Variants in F2 observed in about 807,000 individuals in gnomAD.
F2 encodes prothrombin.
Under a neutral mutation model 81.9 loss-of-function variants are expected in F2, and 34 were observed. The ratio of observed to expected loss-of-function variants is 0.42; its 90% CI spans 0.32 to 0.55. F2 has a LOEUF of 0.55. Ranked by LOEUF, F2 falls within the 20% of genes least tolerant of loss-of-function variation. F2 has a pLI of 0.18. For missense variants in F2, 630 were observed against 833.4 expected (o/e 0.76, Z 3.00); for synonymous variants, 296 against 326.4 (o/e 0.91, Z 1.01).
chr11:46,737,838 G>A (rs1167132944), intron 12 of F2, among the ~76,000 whole-genome samples: 1 of 142,818 alleles, frequency 7.0e-6, no homozygotes, highest in Non-Finnish European at 1.5e-5. Flanking sequence ...TCTCTTGCTA[G>A]CTTTTTTTTT....
Position 46,723,037 on chromosome 11 carries a change from G to A in F2, c.317-143G>A, listed in dbSNP as rs893432710. 3 of 789,446 alleles carry A rather than the reference G, an allele frequency of 3.8e-6. No individual in the cohort carries two copies. Among genetic ancestry groups the A allele is most frequent in the Non-Finnish European group, 6.9e-6 (3 of 435,910 alleles). The allele number at this position is 789,446 out of a possible 1,614,324, so 48.9% of individuals were successfully genotyped here. Reference sequence around the variant, plus strand: ...TGTTGAGTGAATGGGAGAACTGCTGGTTGCAGAGGAAGAGGGGCTGGGTGA... The same window carrying A: ...TGTTGAGTGAATGGGAGAACTGCTGATTGCAGAGGAAGAGGGGCTGGGTGA... On this transcript the variant is annotated intron_variant, in intron 4 of 13. Transcript: ENST00000311907. The surrounding 1 kb of genome is among the most constrained non-coding windows in gnomAD (Gnocchi z 5.6).
At position 46,723,373 on chromosome 11, in the gene F2, C is replaced by T; in HGVS notation, c.423-9C>T. The T allele has an allele frequency of 6.2e-7, 1 of 1,613,528 alleles. No homozygotes were observed. Among genetic ancestry groups the T allele is most frequent in the Non-Finnish European group, 8.5e-7 (1 of 1,179,516 alleles). On this transcript the variant is annotated splice_polypyrimidine_tract_variant and intron_variant, in intron 5 of 13. Coordinates refer to ENST00000311907, the MANE Select transcript of F2 (RefSeq NM_000506.5). This position sits in a 1 kb window ranked among gnomAD's most constrained non-coding sequence, Gnocchi z 5.6. ...CAACAGCCTCCTGTTGGGCAATTTC[C>T]TGTTCCAGAATCAACTCCACTACCC... is the stretch of plus-strand genomic sequence containing the variant.
rs1454798621 is a variant in F2, at chr11:46,719,288, T to G, written c.53T>G (p.Leu18Arg). ...QLPGCLALAA[L>R]CSLVHSQHVF... Reference sequence around the variant, plus strand: ...CCTGGCTGCCTGGCCCTGGCTGCCCTGTGTAGCCTTGTGCACAGCCAGCAT... The same window carrying G: ...CCTGGCTGCCTGGCCCTGGCTGCCCGGTGTAGCCTTGTGCACAGCCAGCAT... The change falls in exon 1 of 14, where the codon CTG (leucine) becomes CGG (arginine). Residue 18 changes from leucine to arginine, a missense_variant. Coordinates refer to ENST00000311907, the MANE Select transcript of F2 (RefSeq NM_000506.5). The surrounding 1 kb of genome is among the most constrained non-coding windows in gnomAD (Gnocchi z 4.7). 6.2e-7 allele frequency: 1 copy of G among 1,613,322 alleles called. No individual in the cohort carries two copies. The highest frequency in any genetic ancestry group is 1.3e-5 in the African/African-American group (1 of 74,922).
chr11:46,737,684 T>C (rs1005278581), intron 12 of F2, among the ~76,000 whole-genome samples: 6 of 152,062 alleles, frequency 3.9e-5, no homozygotes, highest in African/African-American at 9.7e-5. Flanking sequence ...GTGATCCGCC[T>C]GCCTCAGCCT....
Position 46,719,725 on chromosome 11 carries a change from C to T in F2, c.103C>T (p.Arg35Trp), listed in dbSNP as rs144785536. ...AGTGTTCCTGGCTCCTCAGCAAGCA[C>T]GGTCGCTGCTCCAGCGGGTCCGGCG... is the stretch of plus-strand genomic sequence containing the variant. ...QHVFLAPQQA[R>W]SLLQRVRRAN... is the part of the protein sequence containing the mutation. The change falls in exon 2 of 14, where the codon CGG becomes TGG. Residue 35 changes from arginine (R) to tryptophan (W), a missense_variant. Transcript: ENST00000311907. This position sits in a 1 kb window ranked among gnomAD's most constrained non-coding sequence, Gnocchi z 4.7. 71 of 1,594,018 alleles carry T rather than the reference C, an allele frequency of 4.5e-5. No homozygotes were observed. Among genetic ancestry groups the T allele is most frequent in the Admixed American group, 1.1e-4 (6 of 57,064 alleles).
At position 46,723,090 on chromosome 11, in the gene F2, T is replaced by G; in HGVS notation, c.317-90T>G. ...GCAGGTTCAGGATTGTGGACCTGCA[T>G]GAGCTGGGAGGTGGGGGATAGACAA... On this transcript the variant is annotated intron_variant, in intron 4 of 13. Transcript: ENST00000311907. The surrounding 1 kb of genome is among the most constrained non-coding windows in gnomAD (Gnocchi z 5.6). 8 of 1,067,308 alleles carry G rather than the reference T, an allele frequency of 7.5e-6. No homozygotes were observed. Among genetic ancestry groups the G allele is most frequent in the South Asian group, 1.2e-5 (1 of 80,026 alleles). The allele number at this position is 1,067,308 out of a possible 1,614,324, so 66.1% of individuals were successfully genotyped here. A position where few individuals can be genotyped will look rare whatever the true frequency, so the allele number is the denominator to read the frequency against.
intron 12 of F2, among the ~76,000 whole-genome samples, chr11:46,732,753 G>A (rs2064921195): frequency 6.6e-6 from 1 of 152,142 alleles, no homozygotes; most frequent in Non-Finnish European, 1.5e-5. Flanking sequence ...CCCAAGTTTG[G>A]CCTGTGGAAG....
intron 6 of F2, 89 bp from the exon 7 acceptor site, chr11:46,725,770 A>G (rs2064867458): frequency 4.1e-6 from 6 of 1,456,948 alleles, no homozygotes; most frequent in Admixed American, 1.7e-5. Context: ...ACAGGCAGAA[A>G]GCAGCAAGAC....
At chr11:46,737,915 C>A (rs2064954236) in intron 12 of F2, among the ~76,000 whole-genome samples, 1 of 151,684 alleles carries the variant, frequency 6.6e-6, no homozygotes, top group Non-Finnish European at 1.5e-5. Flanking sequence ...CTCACTGCAG[C>A]CTTGAACTCC....
Position 46,719,286 on chromosome 11 carries a change from C to A in F2, c.51C>A (p.Ala17=), listed in dbSNP as rs1265248581. 4 of 1,613,492 alleles carry A rather than the reference C, an allele frequency of 2.5e-6. No homozygotes were observed. The South Asian group carries it at 4.4e-5, about 18-fold the overall frequency. ...TGCCTGGCTGCCTGGCCCTGGCTGC[C>A]CTGTGTAGCCTTGTGCACAGCCAGC... The part of the protein sequence containing the change: ...LQLPGCLALA[A]LCSLVHSQHV... Residue 17 remains alanine, a synonymous_variant, in exon 1 of 14, where the codon GCC becomes GCA. Coordinates refer to ENST00000311907, the MANE Select transcript of F2 (RefSeq NM_000506.5). The surrounding 1 kb of genome is among the most constrained non-coding windows in gnomAD (Gnocchi z 4.7).
chr11:46,729,602 A>G, intron 12 of F2, 41 bp downstream of exon 12: 1 of 1,596,282 alleles, frequency 6.3e-7, no homozygotes, highest in Non-Finnish European at 8.6e-7. Context: ...AGTGGGGCCC[A>G]AGCTGGGAGA....
Position 46,723,352 on chromosome 11 carries a change from A to G in F2, c.423-30A>G. ...GGAGCAAGCGTACCTCAAGCCCAAC[A>G]GCCTCCTGTTGGGCAATTTCCTGTT... is the stretch of plus-strand genomic sequence containing the variant. On this transcript the variant is annotated intron_variant, in intron 5 of 13. Transcript: ENST00000311907. The surrounding 1 kb of genome is among the most constrained non-coding windows in gnomAD (Gnocchi z 5.6). 6.2e-7 allele frequency: 1 copy of G among 1,613,538 alleles called. No individual in the cohort carries two copies. Among genetic ancestry groups the G allele is most frequent in the Admixed American group, 1.7e-5 (1 of 59,982 alleles).
Position 46,723,097 on chromosome 11 carries a change from G to A in F2, c.317-83G>A. ...CAGGATTGTGGACCTGCATGAGCTG[G>A]GAGGTGGGGGATAGACAACTTTGCA... On this transcript the variant is annotated intron_variant, in intron 4 of 13. Coordinates refer to ENST00000311907, the MANE Select transcript of F2 (RefSeq NM_000506.5). This position sits in a 1 kb window ranked among gnomAD's most constrained non-coding sequence, Gnocchi z 5.6. 8.8e-7 allele frequency: 1 copy of A among 1,134,676 alleles called. No individual in the cohort carries two copies. Among genetic ancestry groups the A allele is most frequent in the Non-Finnish European group, 1.3e-6 (1 of 742,922 alleles). The allele number at this position is 1,134,676 out of a possible 1,614,324, so 70.3% of individuals were successfully genotyped here. A position where few individuals can be genotyped will look rare whatever the true frequency, so the allele number is the denominator to read the frequency against.
chr11:46,726,232 C>T lies in F2; in HGVS notation c.874+59C>T, dbSNP rs1401901217. 3 of 1,596,774 alleles carry T rather than the reference C, an allele frequency of 1.9e-6. No individual in the cohort carries two copies. In the African/African-American group the frequency reaches 4.0e-5, roughly 21 times the overall value. The stretch of plus-strand genomic sequence containing the variant: ...GGACAAATCCTGGTGGGAATAACAA[C>T]AGCCGCTTCTGCTTATCGAACGCTT... On this transcript the variant is annotated intron_variant, in intron 7 of 13. Transcript: ENST00000311907. The surrounding 1 kb of genome is among the most constrained non-coding windows in gnomAD (Gnocchi z 5.9).
At chr11:46,737,533 C>T (rs1392443766) in intron 12 of F2, among the ~76,000 whole-genome samples, 2 of 147,528 alleles carry the variant, frequency 1.4e-5, no homozygotes, top group African/African-American at 2.5e-5. Context: ...CTCCACCTCC[C>T]GGGTTCACGC....
chr11:46,727,906 G>A (rs984915752), intron 9 of F2, 90 bp from the exon 10 acceptor site: 1 of 1,465,284 alleles, frequency 6.8e-7, no homozygotes, highest in East Asian at 2.5e-5. Flanking sequence ...GCCCAGCTGG[G>A]TTCTTAGACC....
chr11:46,722,140 C>T (rs1017975298), intron 4 of F2, among the ~76,000 whole-genome samples: 1 of 152,144 alleles, frequency 6.6e-6, no homozygotes, highest in Non-Finnish European at 1.5e-5. Flanking sequence ...CCACTGCGCC[C>T]AGCCTCATTT....
rs1333453259 is a variant in F2, at chr11:46,726,769, G to A, written c.1062G>A (p.Glu354=). 1.2e-6 allele frequency: 2 copies of A among 1,614,122 alleles called. No homozygotes were observed. The highest frequency in any genetic ancestry group is 1.1e-5 in the South Asian group (1 of 91,090). ...KKSLEDKTER[E]LLESYIDGRI... The stretch of plus-strand genomic sequence containing the variant: ...CGCTGGAGGACAAAACCGAAAGAGA[G>A]CTCCTGGAATCCTACATCGACGGGC... Residue 354 remains glutamate (E), a synonymous_variant, in exon 9 of 14, where the codon GAG becomes GAA. Transcript: ENST00000311907. The surrounding 1 kb of genome is among the most constrained non-coding windows in gnomAD (Gnocchi z 5.9).
rs746930786 is a variant in F2, at chr11:46,726,597, A to G, written c.974A>G (p.Asn325Ser). 2 of 1,614,148 alleles carry G rather than the reference A, an allele frequency of 1.2e-6. No individual in the cohort carries two copies. The highest frequency in any genetic ancestry group is 1.7e-6 in the Non-Finnish European group (2 of 1,179,998). The change falls in exon 8 of 14, where the codon AAT becomes AGT. Residue 325 changes from asparagine to serine, a missense_variant. Transcript: ENST00000311907. This position sits in a 1 kb window ranked among gnomAD's most constrained non-coding sequence, Gnocchi z 5.9. ...ACCAGTGAGTACCAGACTTTCTTCA[A>G]TCCGAGGACCTTTGGCTCGGGAGAG... is the stretch of plus-strand genomic sequence containing the variant. The part of the protein sequence containing the change: ...TATSEYQTFF[N>S]PRTFGSGEAD...
Sources: allele counts gnomAD v4.1 joint callset (sites outside exome capture counted in the v4.1 genomes callset), GRCh38; gene constraint gnomAD v4.1.1; non-coding constraint Gnocchi (gnomAD v3.1); transcripts MANE v1.5; gene names NCBI Gene and HGNC (gene_info 2026-07-23, HGNC 2026-07-21).